The following SH3RF3 variants were observed in gnomAD, a reference collection of about 807,000 sequenced individuals.
The protein encoded by SH3RF3 is E3 ubiquitin-protein ligase SH3RF3.
In SH3RF3, 29 loss-of-function variants were observed where a neutral mutation model predicts 66.3. That is an observed-to-expected ratio of 0.44 (90% confidence interval 0.33 to 0.60). The LOEUF (loss-of-function observed/expected upper bound fraction) is 0.60. SH3RF3 is among the 20% of genes least tolerant of loss of function. The probability of loss-of-function intolerance (pLI) is 0.04; values close to 1 mark genes in which losing one functional copy is unlikely to be tolerated. For synonymous variants in SH3RF3, 583 were observed against 532.0 expected (o/e 1.10, Z -1.32); for missense variants, 1,194 against 1,190.9 (o/e 1.00, Z -0.04).
At chr2:109,234,151 G>A (rs1242979947) in intron 1 of SH3RF3, among the ~76,000 whole-genome samples, 1 of 152,186 alleles carries the variant, frequency 6.6e-6, no homozygotes, top group African/African-American at 2.4e-5. Context: ...TTTCAAAATA[G>A]CTATACCATG....
At chr2:109,457,748 A>AT (rs961838075) in intron 8 of SH3RF3, among the ~76,000 whole-genome samples, 2 of 152,118 alleles carry the variant, frequency 1.3e-5, no homozygotes, top group Non-Finnish European at 2.9e-5. Flanking sequence ...AAGACATGGG[A>AT]TTTTTTTCCA....
At chr2:109,480,057 A>G (rs1413337086) in intron 8 of SH3RF3, among the ~76,000 whole-genome samples, 3 of 152,230 alleles carry the variant, frequency 2.0e-5, no homozygotes, top group Non-Finnish European at 2.9e-5. Flanking sequence ...ACAATTGTCT[A>G]GAGGAAAGGA....
At chr2:109,161,142 G>C (rs1012119395) in intron 1 of SH3RF3, among the ~76,000 whole-genome samples, 1 of 152,176 alleles carries the variant, frequency 6.6e-6, no homozygotes, top group Non-Finnish European at 1.5e-5. Context: ...TTGTTACTAG[G>C]CATAAAGCAT....
intron 8 of SH3RF3, among the ~76,000 whole-genome samples, chr2:109,460,405 G>T (rs1573270184): frequency 6.6e-6 from 1 of 152,310 alleles, no homozygotes; most frequent in East Asian, 1.9e-4. Context: ...GTTCTCTGCT[G>T]CTGGTGGATT....
chr2:109,484,063 CTTTCTTTT>C (rs1559107873), intron 8 of SH3RF3, among the ~76,000 whole-genome samples: 3 of 139,480 alleles, frequency 2.2e-5, no homozygotes, highest in Non-Finnish European at 3.1e-5. Context: ...ATCCTCTGGC[CTTTCTTTT>C]TTTTTTTTTT....
intron 1 of SH3RF3, among the ~76,000 whole-genome samples, chr2:109,319,529 G>A (rs1681968765): frequency 6.6e-6 from 1 of 152,206 alleles, no homozygotes; most frequent in Non-Finnish European, 1.5e-5. Flanking sequence ...GTACAGATGT[G>A]TATTCTGAGT....
At chr2:109,495,258 A>G (rs1299178375) in intron 9 of SH3RF3, among the ~76,000 whole-genome samples, 1 of 152,208 alleles carries the variant, frequency 6.6e-6, no homozygotes, top group Non-Finnish European at 1.5e-5. Context: ...GCATCAGGTT[A>G]GAACCGTCTA....
chr2:109,280,660 A>G (rs1680863772), intron 1 of SH3RF3, among the ~76,000 whole-genome samples: 1 of 152,256 alleles, frequency 6.6e-6, no homozygotes, highest in Non-Finnish European at 1.5e-5. Flanking sequence ...TTTTGAGAGC[A>G]TTCGGGTAAT....
chr2:109,467,420 A>G (rs1001845045), intron 8 of SH3RF3, among the ~76,000 whole-genome samples: 5 of 152,202 alleles, frequency 3.3e-5, no homozygotes, highest in African/African-American at 1.2e-4. Context: ...AAAACTTTGG[A>G]AAATGCACAC....
intron 8 of SH3RF3, among the ~76,000 whole-genome samples, chr2:109,468,922 C>T (rs368525428): frequency 4.7e-5 from 7 of 149,498 alleles, no homozygotes; most frequent in Admixed American, 2.0e-4. Context: ...CAACCCTCTA[C>T]GGCTTTGATA....
intron 1 of SH3RF3, among the ~76,000 whole-genome samples, chr2:109,345,944 T>C (rs1682684358): frequency 6.6e-6 from 1 of 152,200 alleles, no homozygotes; most frequent in Non-Finnish European, 1.5e-5. Context: ...AGCCAAAAAA[T>C]ATCTTCAGAC....
intron 1 of SH3RF3, among the ~76,000 whole-genome samples, chr2:109,189,731 G>A (rs1021347900): frequency 1.3e-5 from 2 of 152,096 alleles, no homozygotes; most frequent in Admixed American, 6.5e-5. Flanking sequence ...ATAGCTTTTA[G>A]GTTTGCATCA....
At chr2:109,347,249 A>C (rs1682731002) in intron 1 of SH3RF3, among the ~76,000 whole-genome samples, 1 of 152,230 alleles carries the variant, frequency 6.6e-6, no homozygotes, top group Non-Finnish European at 1.5e-5. Flanking sequence ...TAGAGTATTG[A>C]GTAAGAAATT....
At chr2:109,232,971 G>A (rs765434679) in intron 1 of SH3RF3, among the ~76,000 whole-genome samples, 9 of 152,072 alleles carry the variant, frequency 5.9e-5, no homozygotes, top group South Asian at 4.2e-4. Flanking sequence ...TGAGACTTGC[G>A]ATAGGGGTGT....
chr2:109,142,501 G>A (rs575877377), intron 1 of SH3RF3, among the ~76,000 whole-genome samples: 45 of 152,214 alleles, frequency 3.0e-4, no homozygotes, highest in Admixed American at 5.9e-4. Flanking sequence ...CACAGCGGCC[G>A]AGAGTGAGGG....
At chr2:109,258,471 C>T (rs1222784551) in intron 1 of SH3RF3, among the ~76,000 whole-genome samples, 1 of 152,166 alleles carries the variant, frequency 6.6e-6, no homozygotes, top group African/African-American at 2.4e-5. Context: ...CTCAGCACAG[C>T]CCACACCTAC....
intron 9 of SH3RF3, among the ~76,000 whole-genome samples, chr2:109,492,159 A>G (rs1301252531): frequency 6.6e-6 from 1 of 151,944 alleles, no homozygotes; most frequent in African/African-American, 2.4e-5. Context: ...GTAAACCCCT[A>G]CTTGTGGACA....
chr2:109,189,383 T>G (rs143747164), intron 1 of SH3RF3, among the ~76,000 whole-genome samples: 1 of 141,492 alleles, frequency 7.1e-6, no homozygotes, highest in Non-Finnish European at 1.6e-5. Context: ...TTTTTTTTTC[T>G]TTTTTTTGAG....
intron 4 of SH3RF3, among the ~76,000 whole-genome samples, chr2:109,401,696 G>A (rs1001811464): frequency 6.6e-6 from 1 of 152,146 alleles, no homozygotes; most frequent in African/African-American, 2.4e-5. Flanking sequence ...TGAGATGTGG[G>A]CTCAGCACAC....
Sources: gnomAD v4.1 joint callset for allele counts (sites outside exome capture counted in the v4.1 genomes callset) on GRCh38, gnomAD v4.1.1 for gene constraint, MANE v1.5 for transcripts, NCBI Gene and HGNC (gene_info 2026-07-23, HGNC 2026-07-21) for gene names.